The following SEPTIN9 variants were observed in gnomAD, a reference collection of about 807,000 sequenced individuals.
The protein encoded by SEPTIN9 is septin 9, also known as septin-9.
A neutral mutation model predicts 56.6 loss-of-function variants in SEPTIN9; 13 were observed. The ratio of observed to expected loss-of-function variants is 0.23; its 90% CI spans 0.15 to 0.37. SEPTIN9 has a LOEUF of 0.37. SEPTIN9 is among the 10% of genes least tolerant of loss of function. The pLI is 1.00. For missense variants in SEPTIN9, 650 were observed against 823.1 expected (o/e 0.79, Z 2.57); for synonymous variants, 332 against 334.1 (o/e 0.99, Z 0.07).
intron 3 of SEPTIN9, among the ~76,000 whole-genome samples, chr17:77,452,803 T>A (rs1247423174): frequency 6.6e-6 from 1 of 151,322 alleles, no homozygotes; most frequent in African/African-American, 2.4e-5. Flanking sequence ...TCATTCTCTT[T>A]GGCCAACTCC....
chr17:77,474,746 C>A (rs2039139569), intron 3 of SEPTIN9, among the ~76,000 whole-genome samples: 1 of 152,210 alleles, frequency 6.6e-6, no homozygotes, highest in Admixed American at 6.5e-5. Flanking sequence ...CGCTTTGCGA[C>A]CCTCATAATT....
Position 77,445,485 on chromosome 17 carries a change from C to T in SEPTIN9, c.722-36659C>T, listed in dbSNP as rs1472093450. ...CGAGGAGCTTGGCAGGAGCAGAGTG[C>T]AGGACCTGGGAACTGGGGGTTGGTG... On this transcript the variant is annotated intron_variant, in intron 3 of 11. Transcript: ENST00000427177. This position sits in a 1 kb window ranked among gnomAD's most constrained non-coding sequence, Gnocchi z 4.7. 2.2e-6 allele frequency: 1 copy of T among 458,928 alleles called. No individual in the cohort carries two copies. The highest frequency in any genetic ancestry group is 1.6e-5 in the South Asian group (1 of 62,730). 28.4% of individuals were successfully genotyped at this position (458,928 alleles called of 1,614,324 possible).
chr17:77,383,457 C>G (rs1477246374), intron 2 of SEPTIN9, among the ~76,000 whole-genome samples: 8 of 147,088 alleles, frequency 5.4e-5, no homozygotes, highest in Non-Finnish European at 1.0e-4. Context: ...CCAGTCCGCA[C>G]CTGCATCCAT....
In SEPTIN9 at chr17:77,294,326, A is replaced by G. The variant is rs1337274188; in HGVS notation, c.19+12772A>G. Among the ~76,000 whole-genome samples, 4 of 151,624 alleles carry G rather than the reference A, an allele frequency of 2.6e-5. No individual in the cohort carries two copies. In the South Asian group the frequency reaches 8.4e-4, roughly 32 times the overall value. ...TCCCAGCTACTTGGGAGGCTGAGGC[A>G]GGAGAATGGCTTGAACCCAGGAGGC... On this transcript the variant is annotated intron_variant, in intron 1 of 11. Transcript: ENST00000427177.
intron 3 of SEPTIN9, among the ~76,000 whole-genome samples, chr17:77,430,704 A>C (rs58504089): frequency 0.021 from 3,210 of 152,252 alleles, 110 homozygotes; most frequent in African/African-American, 0.07. Context: ...AAGTGCTAAG[A>C]AGCAGGCCGA....
chr17:77,352,405 T>TCTAAAA (rs2034094656), intron 2 of SEPTIN9, among the ~76,000 whole-genome samples: 1 of 147,432 alleles, frequency 6.8e-6, no homozygotes, highest in Admixed American at 6.8e-5. Flanking sequence ...AGACTCCGTC[T>TCTAAAA]CAAAAACAAA....
chr17:77,396,571 A>C (rs2035722492), intron 2 of SEPTIN9, among the ~76,000 whole-genome samples: 1 of 148,372 alleles, frequency 6.7e-6, no homozygotes, highest in Admixed American at 6.6e-5. Flanking sequence ...GGGGCTTCCC[A>C]GGAGGCCTGC....
intron 3 of SEPTIN9, among the ~76,000 whole-genome samples, chr17:77,408,590 C>A (rs2036177738): frequency 6.6e-6 from 1 of 151,008 alleles, no homozygotes; most frequent in African/African-American, 2.4e-5. Flanking sequence ...TTAATCAAAG[C>A]ACAGGGCTCC....
intron 2 of SEPTIN9, among the ~76,000 whole-genome samples, chr17:77,333,017 A>C (rs1235414946): frequency 6.6e-6 from 1 of 152,204 alleles, no homozygotes; most frequent in Non-Finnish European, 1.5e-5. Flanking sequence ...GTATACATTT[A>C]GTTTTATAAG....
chr17:77,410,543 C>T (rs61098877), intron 3 of SEPTIN9, among the ~76,000 whole-genome samples: 6,298 of 152,308 alleles, frequency 0.041, 384 homozygotes, highest in African/African-American at 0.13. Flanking sequence ...GGCAGAGGAG[C>T]ACCGGCTTTG....
intron 6 of SEPTIN9, among the ~76,000 whole-genome samples, chr17:77,488,526 C>G (rs1226759399): frequency 6.6e-6 from 1 of 152,218 alleles, no homozygotes; most frequent in Admixed American, 6.5e-5. Flanking sequence ...CTGTCCCCAA[C>G]TCATCACCTG....
chr17:77,379,580 C>T (rs1471038434), intron 2 of SEPTIN9, among the ~76,000 whole-genome samples: 1 of 152,166 alleles, frequency 6.6e-6, no homozygotes, highest in Admixed American at 6.5e-5. Flanking sequence ...CTTTCTCCAC[C>T]TCCCATTTCT....
At chr17:77,488,691 CAT>C (rs751273910) in intron 6 of SEPTIN9, 34 bp from the exon 7 acceptor site, 9 of 1,612,616 alleles carry the variant, frequency 5.6e-6, no homozygotes, top group African/African-American at 1.3e-5. Flanking sequence ...GAGGGCATCT[CAT>C]GTGCCTGCTG....
chr17:77,454,876 A>G (rs2038126882), intron 3 of SEPTIN9, among the ~76,000 whole-genome samples: 1 of 152,022 alleles, frequency 6.6e-6, no homozygotes, highest in Non-Finnish European at 1.5e-5. Context: ...AGACCTAATG[A>G]TCTGCCTGCA....
At chr17:77,320,407 A>C in intron 2 of SEPTIN9, 1 of 1,448,150 alleles carries the variant, frequency 6.9e-7, no homozygotes, top group Non-Finnish European at 9.7e-7. Flanking sequence ...TCGGGGCTTT[A>C]TTTATGCCTG....
chr17:77,402,075 T>A lies in SEPTIN9; in HGVS notation c.93T>A (p.Phe31Leu). 6.2e-7 allele frequency: 1 copy of A among 1,612,804 alleles called. No individual in the cohort carries two copies. The highest frequency in any genetic ancestry group is 8.5e-7 in the Non-Finnish European group (1 of 1,179,108). The change falls in exon 3 of 12, where the codon TTT (phenylalanine) becomes TTA (leucine). Residue 31 changes from phenylalanine (F) to leucine (L), a missense_variant. This residue lies in a region of SEPTIN9 where 317 missense variants were observed against 329.1 expected (regional missense o/e 0.96). Transcript: ENST00000427177. This position sits in a 1 kb window ranked among gnomAD's most constrained non-coding sequence, Gnocchi z 6.6. ...ATTTTTCAGCCTTGAAAAGATCTTT[T>A]GAGGTCGAGGAGGTCGAGACACCCA... Reference protein sequence around the residue: ...DSSGPALKRSFEVEEVETPNS... With the variant: ...DSSGPALKRSLEVEEVETPNS...
intron 11 of SEPTIN9, chr17:77,497,706 G>A (rs1029854558): frequency 4.4e-5 from 19 of 432,742 alleles, no homozygotes; most frequent in African/African-American, 8.0e-5. Flanking sequence ...AGCGTGGGGC[G>A]TCTCCAGCTC....
Position 77,326,871 on chromosome 17 carries a change from G to A in SEPTIN9, c.76+19674G>A, listed in dbSNP as rs1196234223. On this transcript the variant is annotated intron_variant, in intron 2 of 11. Transcript: ENST00000427177. The surrounding 1 kb of genome is among the most constrained non-coding windows in gnomAD (Gnocchi z 5.1). ...ATCATGCCTTCGTAATGAGGCCTCC[G>A]TGAACACTCAGAAGGATGGGGTTCC... Among the ~76,000 whole-genome samples the A allele has an allele frequency of 6.6e-6, 1 of 152,078 alleles. No homozygotes were observed. The highest frequency in any genetic ancestry group is 2.4e-5 in the African/African-American group (1 of 41,496).
intron 2 of SEPTIN9, among the ~76,000 whole-genome samples, chr17:77,378,019 C>T (rs1287442357): frequency 6.6e-6 from 1 of 152,148 alleles, no homozygotes; most frequent in Non-Finnish European, 1.5e-5. Flanking sequence ...ACTGTCCCGA[C>T]TACGAGTTGG....
Sources: gnomAD v4.1 joint callset for allele counts (sites outside exome capture counted in the v4.1 genomes callset) on GRCh38, gnomAD v4.1.1 for gene constraint, gnomAD v4.1.1 regional missense constraint, Gnocchi (gnomAD v3.1) non-coding constraint, MANE v1.5 for transcripts, NCBI Gene and HGNC (gene_info 2026-07-23, HGNC 2026-07-21) for gene names.